NDST3: variants seen among roughly 807,000 people sequenced by gnomAD.
NDST3 encodes N-deacetylase and N-sulfotransferase 3, also known as bifunctional heparan sulfate N-deacetylase/N-sulfotransferase 3.
In NDST3, 58 loss-of-function variants were observed where a neutral mutation model predicts 96.1. The observed-to-expected ratio is 0.60, with a 90% CI of 0.49 to 0.75. The LOEUF is 0.75. Ranked by LOEUF, NDST3 falls within the 30% of genes least tolerant of loss-of-function variation. The pLI is 0.00. For synonymous variants in NDST3, 333 were observed against 359.7 expected (o/e 0.93, Z 0.84); for missense variants, 788 against 1,034.2 (o/e 0.76, Z 3.27).
intron 4 of NDST3, among the ~76,000 whole-genome samples, chr4:118,126,537 C>CATATATATATAT (rs956364801): frequency 4.4e-4 from 9 of 20,324 alleles, no homozygotes; most frequent in African/African-American, 6.8e-4. Context: ...TATATATACA[C>CATATATATATAT]ATATATATAT....
chr4:118,188,598 T>G (rs1296857024), intron 6 of NDST3, among the ~76,000 whole-genome samples: 1 of 152,168 alleles, frequency 6.6e-6, no homozygotes, highest in Non-Finnish European at 1.5e-5. Context: ...AGTGGCTGAT[T>G]TAGCATGAAA....
At chr4:118,186,482 G>A (rs1578784722) in intron 6 of NDST3, among the ~76,000 whole-genome samples, 1 of 152,276 alleles carries the variant, frequency 6.6e-6, no homozygotes, top group East Asian at 1.9e-4. Flanking sequence ...GGAGTCTAAT[G>A]TTCGAGGACA....
At chr4:118,151,024 T>C in intron 6 of NDST3, among the ~76,000 whole-genome samples, 1 of 151,922 alleles carries the variant, frequency 6.6e-6, no homozygotes, top group Non-Finnish European at 1.5e-5. Context: ...TAAGAAAATG[T>C]GGCACATATA....
chr4:118,143,938 A>C (rs1039045526), intron 6 of NDST3, among the ~76,000 whole-genome samples: 1 of 152,180 alleles, frequency 6.6e-6, no homozygotes, highest in African/African-American at 2.4e-5. Context: ...TTGCAAAGTG[A>C]TCAGAAGCTT....
intron 3 of NDST3, among the ~76,000 whole-genome samples, chr4:118,111,578 C>T (rs1730643529): frequency 6.7e-6 from 1 of 149,118 alleles, no homozygotes; most frequent in South Asian, 2.1e-4. Context: ...GCTCTGTCAC[C>T]CAGGCTGGAG....
rs1209067896 is a variant in NDST3, at chr4:118,232,688, GAAAC to G, written c.1820-320_1820-317del. On this transcript the variant is annotated intron_variant, in intron 8 of 13. Coordinates refer to ENST00000296499, the MANE Select transcript of NDST3 (RefSeq NM_004784.3). ...AGGAAAGAAAGAAAAGAAAAGGAAAGAAACAAAGAAAGAAAGAAAAGATAAAAAG... is the reference window on the plus strand; with the variant it reads ...AGGAAAGAAAGAAAAGAAAAGGAAAGAAAGAAAGAAAGAAAAGATAAAAAG... Among the ~76,000 whole-genome samples the G allele has an allele frequency of 4.8e-3, 727 of 150,870 alleles. 11 individuals carry two copies. Among genetic ancestry groups the G allele is most frequent in the African/African-American group, 0.017 (687 of 41,228 alleles).
At chr4:118,189,715 T>A (rs1482678129) in intron 6 of NDST3, among the ~76,000 whole-genome samples, 1 of 152,164 alleles carries the variant, frequency 6.6e-6, no homozygotes, top group Non-Finnish European at 1.5e-5. Context: ...AGAATGTCTC[T>A]CCTCTCTTCT....
Position 118,125,530 on chromosome 4 carries a change from G to C in NDST3, c.1224+10570G>C, listed in dbSNP as rs1288066331. 3.9e-5 allele frequency among the ~76,000 whole-genome samples: 6 copies of C among 151,958 alleles called. No individual in the cohort carries two copies. The East Asian group carries it at 1.2e-3, about 29-fold the overall frequency. ...ATGTAACTGTGTCTATCATATTTTA[G>C]GAGATTATTCCATCCTTAAGTATGT... is the stretch of plus-strand genomic sequence containing the variant. On this transcript the variant is annotated intron_variant, in intron 4 of 13. Transcript: ENST00000296499.
intron 2 of NDST3, among the ~76,000 whole-genome samples, chr4:118,085,428 G>T (rs1439565389): frequency 6.6e-6 from 1 of 152,132 alleles, no homozygotes; most frequent in African/African-American, 2.4e-5. Context: ...AGTACTAATA[G>T]AAATTGTTCT....
At chr4:118,172,700 G>T (rs1736028914) in intron 6 of NDST3, among the ~76,000 whole-genome samples, 2 of 151,944 alleles carry the variant, frequency 1.3e-5, no homozygotes, top group East Asian at 3.9e-4. Flanking sequence ...CTAACAAGAA[G>T]GATAAAGCAC....
intron 2 of NDST3, among the ~76,000 whole-genome samples, chr4:118,072,243 GT>G (rs572598078): frequency 6.6e-6 from 1 of 151,438 alleles, no homozygotes; most frequent in East Asian, 1.9e-4. Flanking sequence ...GATTTTTAGA[GT>G]TTTTTTTCTA....
At chr4:118,193,578 T>G in intron 6 of NDST3, 1 of 1,123,486 alleles carries the variant, frequency 8.9e-7, no homozygotes, top group Non-Finnish European at 1.4e-6. Flanking sequence ...GCAAGCTGCC[T>G]GCAGATCTGC....
chr4:118,095,245 A>G (rs780578944), intron 2 of NDST3, among the ~76,000 whole-genome samples: 1 of 151,808 alleles, frequency 6.6e-6, no homozygotes, highest in African/African-American at 2.4e-5. Context: ...AACAAACTTG[A>G]TATGTTCTAG....
chr4:118,147,768 C>T (rs892760014), intron 6 of NDST3, among the ~76,000 whole-genome samples: 5 of 152,016 alleles, frequency 3.3e-5, no homozygotes, highest in Non-Finnish European at 5.9e-5. Flanking sequence ...CTTGTGGGAG[C>T]CATATTATCA....
At chr4:118,097,507 G>A (rs1729409869) in intron 2 of NDST3, among the ~76,000 whole-genome samples, 1 of 151,868 alleles carries the variant, frequency 6.6e-6, no homozygotes, top group Admixed American at 6.6e-5. Context: ...GTGGTATAAT[G>A]TCCCCTATAT....
chr4:118,120,539 G>A (rs1731480684), intron 4 of NDST3, among the ~76,000 whole-genome samples: 1 of 152,160 alleles, frequency 6.6e-6, no homozygotes, highest in Non-Finnish European at 1.5e-5. Context: ...GTCTGATAAA[G>A]GAAGCAGAGG....
intron 6 of NDST3, among the ~76,000 whole-genome samples, chr4:118,148,133 C>T (rs1295222581): frequency 6.6e-6 from 1 of 152,100 alleles, no homozygotes. Flanking sequence ...CCTGTCTCTA[C>T]TAAAAATACA....
At chr4:118,121,820 G>A (rs62326126) in intron 4 of NDST3, among the ~76,000 whole-genome samples, 158 of 152,152 alleles carry the variant, frequency 1.0e-3, no homozygotes, top group Non-Finnish European at 2.0e-3. Context: ...ACCTACATGA[G>A]GATACCCCCT....
At chr4:118,057,654 A>C (rs906259310) in intron 2 of NDST3, among the ~76,000 whole-genome samples, 5 of 152,084 alleles carry the variant, frequency 3.3e-5, no homozygotes, top group African/African-American at 1.2e-4. Flanking sequence ...CCACTGGGCT[A>C]AGGACTGGAG....
Sources: gnomAD v4.1 joint callset for allele counts (sites outside exome capture counted in the v4.1 genomes callset) on GRCh38, gnomAD v4.1.1 for gene constraint, MANE v1.5 for transcripts, NCBI Gene and HGNC (gene_info 2026-07-23, HGNC 2026-07-21) for gene names.